The following DMD variants were observed in gnomAD, a reference collection of about 807,000 sequenced individuals.
DMD encodes the protein dystrophin.
A neutral mutation model predicts 330.1 loss-of-function variants in DMD; 63 were observed. That is an observed-to-expected ratio of 0.19 (90% CI 0.16 to 0.24). The LOEUF (loss-of-function observed/expected upper bound fraction) is 0.24, where lower values mean the gene tolerates loss of function less well. DMD is among the 10% of genes least tolerant of loss of function. DMD has a pLI of 1.00. For missense variants in DMD, 3,344 were observed against 2,684.1 expected (o/e 1.25, Z -5.43); for synonymous variants, 1,223 against 959.8 (o/e 1.27, Z -5.07).
intron 1 of DMD, among the ~76,000 whole-genome samples, chrX:33,115,834 G>C (rs73190205): frequency 9.2e-6 from 1 of 108,913 alleles, no homozygotes; most frequent in African/African-American, 3.3e-5. Flanking sequence ...TATGAACACA[G>C]TATTACTTAT....
In DMD at chrX:32,827,832, T is replaced by C. The variant is rs1603442537; in HGVS notation, c.265-4445A>G. 2.7e-5 allele frequency among the ~76,000 whole-genome samples: 3 copies of C among 110,530 alleles called. No homozygotes were observed. The South Asian group carries it at 1.2e-3, about 43-fold the overall frequency. On this transcript the variant is annotated intron_variant, in intron 4 of 78. Transcript: ENST00000357033. Reference sequence around the variant, plus strand: ...ATGCGCCACCACGCCTGGCTAATTTTGTATTTTTAGTAGAGACGGGGTTTC... The same window carrying C: ...ATGCGCCACCACGCCTGGCTAATTTCGTATTTTTAGTAGAGACGGGGTTTC...
intron 60 of DMD, among the ~76,000 whole-genome samples, chrX:31,371,791 T>C (rs754503995): frequency 3.0e-3 from 339 of 112,099 alleles, no homozygotes; most frequent in Middle Eastern, 9.3e-3. Context: ...AATGGATGTA[T>C]TTGAACCCGA....
intron 44 of DMD, among the ~76,000 whole-genome samples, chrX:32,069,683 A>G (rs1218812202): frequency 1.8e-5 from 2 of 111,986 alleles, no homozygotes; most frequent in Non-Finnish European, 3.8e-5. Flanking sequence ...TTATTTCACC[A>G]AATTAGGCTT....
intron 55 of DMD, among the ~76,000 whole-genome samples, chrX:31,602,328 T>G (rs1408938581): frequency 3.6e-5 from 4 of 110,224 alleles, no homozygotes; most frequent in Non-Finnish European, 5.7e-5. Flanking sequence ...CCAGTTTTTT[T>G]TTTTTTTTTT....
At chrX:31,688,814 C>T (rs767504403) in intron 52 of DMD, among the ~76,000 whole-genome samples, 5 of 111,703 alleles carry the variant, frequency 4.5e-5, no homozygotes, top group South Asian at 7.6e-4. Flanking sequence ...GCTGGTTCAA[C>T]ATACGCAAAT....
At chrX:31,351,725 C>CAAAAAAAAAAAAAAAAGAAAAA (rs2058427951) in intron 60 of DMD, among the ~76,000 whole-genome samples, 1 of 53,050 alleles carries the variant, frequency 1.9e-5, no homozygotes. Context: ...GACTCCATCT[C>CAAAAAAAAAAAAAAAAGAAAAA]AAAAAAAAAA....
At chrX:31,382,499 A>G (rs749322791) in intron 60 of DMD, among the ~76,000 whole-genome samples, 6 of 111,630 alleles carry the variant, frequency 5.4e-5, no homozygotes, top group African/African-American at 1.3e-4. Flanking sequence ...TCCCCAAACC[A>G]CCACTCTTAA....
At chrX:32,595,921 CAT>C (rs746009992) in intron 12 of DMD, 45 bp from the exon 13 acceptor site, 4 of 1,075,285 alleles carry the variant, frequency 3.7e-6, no homozygotes, top group Non-Finnish European at 5.2e-6. Flanking sequence ...GATATTCTTA[CAT>C]GTGTGTTGAA....
chrX:31,556,614 G>T (rs1603366569), intron 55 of DMD, among the ~76,000 whole-genome samples: 1 of 108,101 alleles, frequency 9.3e-6, no homozygotes. Flanking sequence ...TTAAATATAT[G>T]ATCAAAGAAA....
intron 4 of DMD, among the ~76,000 whole-genome samples, chrX:32,827,867 G>A (rs1018705868): frequency 9.1e-6 from 1 of 110,445 alleles, no homozygotes; most frequent in African/African-American, 3.3e-5. Context: ...CTCCATGTTG[G>A]TCAGGCTGGT....
chrX:31,343,668 AG>A, intron 61 of DMD, among the ~76,000 whole-genome samples: 1 of 109,913 alleles, frequency 9.1e-6, no homozygotes, highest in Admixed American at 9.9e-5. Context: ...AGAGAGAGAG[AG>A]AGAATAAGAT....
intron 59 of DMD, among the ~76,000 whole-genome samples, chrX:31,472,523 C>T (rs1387678770): frequency 8.9e-6 from 1 of 112,103 alleles, no homozygotes; most frequent in Non-Finnish European, 1.9e-5. Flanking sequence ...TACATTATAT[C>T]ACATTTCACA....
intron 43 of DMD, among the ~76,000 whole-genome samples, chrX:32,250,402 T>C (rs1488830775): frequency 4.5e-5 from 5 of 112,168 alleles, no homozygotes; most frequent in African/African-American, 1.3e-4. Flanking sequence ...TTGTGGCAAA[T>C]GTCTTCTTCC....
intron 55 of DMD, among the ~76,000 whole-genome samples, chrX:31,574,135 T>C (rs1003152636): frequency 1.1e-5 from 1 of 87,486 alleles, no homozygotes; most frequent in Non-Finnish European, 2.2e-5. Flanking sequence ...GATCTGTTTG[T>C]TTTTTTTTTT....
intron 43 of DMD, among the ~76,000 whole-genome samples, chrX:32,234,891 G>T (rs1486416996): frequency 9.0e-6 from 1 of 111,570 alleles, no homozygotes; most frequent in Non-Finnish European, 1.9e-5. Flanking sequence ...AAAAGATTCA[G>T]AGACATTAAG....
At chrX:31,646,732 A>G (rs1038131322) in intron 54 of DMD, among the ~76,000 whole-genome samples, 2 of 111,853 alleles carry the variant, frequency 1.8e-5, no homozygotes, top group Non-Finnish European at 3.8e-5. Context: ...TTAACTCTCT[A>G]GTATTGGGTT....
intron 43 of DMD, among the ~76,000 whole-genome samples, chrX:32,268,805 C>G (rs1465101626): frequency 9.0e-6 from 1 of 110,989 alleles, no homozygotes; most frequent in Non-Finnish European, 1.9e-5. Context: ...ATAAGGTACT[C>G]TTTTTTGTAA....
chrX:32,872,516 CAAG>C (rs1412938267), intron 2 of DMD, among the ~76,000 whole-genome samples: 5 of 112,168 alleles, frequency 4.5e-5, no homozygotes, highest in Non-Finnish European at 9.4e-5. Context: ...CTTACTGTCT[CAAG>C]AAGATGAACA....
At chrX:32,104,980 C>T (rs759558259) in intron 44 of DMD, among the ~76,000 whole-genome samples, 1 of 112,234 alleles carries the variant, frequency 8.9e-6, no homozygotes. Flanking sequence ...AACATCCACA[C>T]AAAACACGCT....
Sources: gnomAD v4.1 joint callset for allele counts (sites outside exome capture counted in the v4.1 genomes callset) on GRCh38, gnomAD v4.1.1 for gene constraint, MANE v1.5 for transcripts, NCBI Gene and HGNC (gene_info 2026-07-23, HGNC 2026-07-21) for gene names.